NAV2: variants seen among roughly 807,000 people sequenced by gnomAD.
NAV2 encodes the protein neuron navigator 2, also known as helicase, APC down-regulated 1.
Under a neutral mutation model 223.2 loss-of-function variants are expected in NAV2, and 54 were observed. That is an observed-to-expected ratio of 0.24 (90% CI 0.19 to 0.30). The LOEUF (loss-of-function observed/expected upper bound fraction) is 0.30. NAV2 is among the 10% of genes least tolerant of loss of function. The probability of loss-of-function intolerance (pLI) is 1.00; values close to 1 mark genes in which losing one functional copy is unlikely to be tolerated. For missense variants in NAV2, 2,806 were observed against 3,147.5 expected, an observed-to-expected ratio of 0.89 and a Z score of 2.60; for synonymous variants, 1,279 against 1,239.3, an observed-to-expected ratio of 1.03 and a Z score of -0.67.
chr11:19,493,542 C>A (rs184248227), intron 1 of NAV2, among the ~76,000 whole-genome samples: 3 of 152,218 alleles, frequency 2.0e-5, no homozygotes, highest in Non-Finnish European at 4.4e-5. Context: ...TAAAAAAGCT[C>A]GGCATCCCTG....
At chr11:19,449,248 G>A (rs974680026) in intron 1 of NAV2, among the ~76,000 whole-genome samples, 4 of 152,204 alleles carry the variant, frequency 2.6e-5, no homozygotes, top group Non-Finnish European at 5.9e-5. Flanking sequence ...TGATGTAGAG[G>A]GCTCTTGAAA....
intron 1 of NAV2, among the ~76,000 whole-genome samples, chr11:19,813,743 C>T (rs564109758): frequency 6.6e-6 from 1 of 152,182 alleles, no homozygotes; most frequent in Non-Finnish European, 1.5e-5. Flanking sequence ...GGGCATGGGA[C>T]GTTGACTGCT....
At chr11:19,442,712 T>A (rs1851448788) in intron 1 of NAV2, among the ~76,000 whole-genome samples, 1 of 152,186 alleles carries the variant, frequency 6.6e-6, no homozygotes, top group African/African-American at 2.4e-5. Flanking sequence ...ACCAACTGGC[T>A]GTGTAAACTT....
At position 20,103,324 on chromosome 11, in the gene NAV2, C is replaced by T; in HGVS notation, c.6487C>T (p.Leu2163Phe). Residue 2163 changes from leucine to phenylalanine, a missense_variant, in exon 33 of 38, where the codon CTC becomes TTC. Transcript: ENST00000349880. ...NSENNAVDMP[L>F]VIILDNLHHV... ...TGAGAACAATGCTGTGGACATGCCC[C>T]TCGTCATCATCCTGGACAACCTACA... 17 of 1,614,194 alleles carry T rather than the reference C, an allele frequency of 1.1e-5. No individual in the cohort carries two copies. Among genetic ancestry groups the T allele is most frequent in the Non-Finnish European group, 1.4e-5 (17 of 1,180,006 alleles).
In NAV2 at chr11:20,119,341, G is replaced by C. The variant is rs771225719; in HGVS notation, c.*1083G>C. The C allele has an allele frequency of 6.6e-6, 1 of 152,198 alleles. No homozygotes were observed. The highest frequency in any genetic ancestry group is 1.5e-5 in the Non-Finnish European group (1 of 68,108). 9.4% of individuals were successfully genotyped at this position (152,198 alleles called of 1,614,324 possible). A position where few individuals can be genotyped will look rare whatever the true frequency, so the allele number is the denominator to read the frequency against. On this transcript the variant is annotated 3_prime_UTR_variant, in exon 38 of 38. Transcript: ENST00000349880. The stretch of plus-strand genomic sequence containing the variant: ...TCGCCTCCTCCTGCTAGGGCTGGGG[G>C]TATCTGTGTCCTTTAAAATGGATGA...
At chr11:19,599,379 C>T (rs919406822) in intron 1 of NAV2, among the ~76,000 whole-genome samples, 15 of 152,238 alleles carry the variant, frequency 9.9e-5, no homozygotes, top group African/African-American at 3.4e-4. Context: ...GGCCAACCTG[C>T]GAGGTTGTCT....
intron 1 of NAV2, among the ~76,000 whole-genome samples, chr11:19,812,138 G>A (rs1012315264): frequency 3.7e-4 from 55 of 150,340 alleles, no homozygotes; most frequent in African/African-American, 1.3e-3. Flanking sequence ...AAATTGCACG[G>A]CTAAGCTGCC....
Position 19,666,341 on chromosome 11 carries a change from G to A in NAV2, c.76-166143G>A, listed in dbSNP as rs1306472484. 2.6e-5 allele frequency among the ~76,000 whole-genome samples: 4 copies of A among 152,216 alleles called. 1 individual carries two copies. The highest frequency in any genetic ancestry group is 6.5e-5 in the Admixed American group (1 of 15,282). Reference sequence around the variant, plus strand: ...AGCAATATTTGGGATGGCATAGAAAGGTCACATTATGCCTTTGCAGAAACC... The same window carrying A: ...AGCAATATTTGGGATGGCATAGAAAAGTCACATTATGCCTTTGCAGAAACC... On this transcript the variant is annotated intron_variant, in intron 1 of 37. Coordinates refer to the NAV2 transcript ENST00000360655.
chr11:19,945,830 G>C (rs1348358032), intron 8 of NAV2, among the ~76,000 whole-genome samples: 1 of 152,200 alleles, frequency 6.6e-6, no homozygotes, highest in African/African-American at 2.4e-5. Flanking sequence ...GAGAGGACCA[G>C]CACCTTCCCC....
intron 4 of NAV2, among the ~76,000 whole-genome samples, chr11:19,877,470 C>CTTTTTTTTTTTTTCTTTTTTCTTTTCTT (rs1555114910): frequency 3.6e-5 from 3 of 82,622 alleles, no homozygotes; most frequent in African/African-American, 1.4e-4. Flanking sequence ...TATCTTCATT[C>CTTTTTTTTTTTTTCTTTTTTCTTTTCTT]TTTTTTTTTT....
intron 6 of NAV2, among the ~76,000 whole-genome samples, chr11:19,927,011 C>G (rs2044817747): frequency 1.3e-5 from 2 of 152,190 alleles, no homozygotes; most frequent in Non-Finnish European, 2.9e-5. Context: ...ACAGTATTTT[C>G]ATTTAGAAAG....
At chr11:19,759,090 C>CTTT (rs55675583) in intron 1 of NAV2, among the ~76,000 whole-genome samples, 1 of 63,846 alleles carries the variant, frequency 1.6e-5, no homozygotes, top group African/African-American at 6.1e-5. Flanking sequence ...CTGAAAGACA[C>CTTT]TTTTTTTTTT....
intron 1 of NAV2, among the ~76,000 whole-genome samples, chr11:19,416,117 ATAAAGGG>A (rs989674146): frequency 1.2e-4 from 18 of 152,350 alleles, no homozygotes; most frequent in Middle Eastern, 3.4e-3. Flanking sequence ...AGAGAAAGAA[ATAAAGGG>A]TATTCAAATA....
intron 10 of NAV2, among the ~76,000 whole-genome samples, chr11:19,972,590 G>A (rs548473784): frequency 1.3e-5 from 2 of 152,274 alleles, no homozygotes; most frequent in East Asian, 3.9e-4. Flanking sequence ...TGGGTCCTTT[G>A]TGTTTGTACA....
intron 11 of NAV2, among the ~76,000 whole-genome samples, chr11:20,017,254 C>T (rs1236470535): frequency 6.6e-6 from 1 of 152,122 alleles, no homozygotes; most frequent in East Asian, 1.9e-4. Context: ...GTCCCCACAC[C>T]CGCTTACTAA....
intron 1 of NAV2, among the ~76,000 whole-genome samples, chr11:19,779,536 T>C (rs181704833): frequency 3.3e-5 from 5 of 152,366 alleles, no homozygotes; most frequent in Non-Finnish European, 7.3e-5. Flanking sequence ...CTGTGTTCGT[T>C]GTGAAAGATT....
intron 6 of NAV2, among the ~76,000 whole-genome samples, chr11:19,927,087 T>A (rs1293481344): frequency 6.6e-6 from 1 of 152,194 alleles, no homozygotes; most frequent in Non-Finnish European, 1.5e-5. Context: ...ACTTTTTCCC[T>A]CCCAACCGGA....
chr11:20,071,521 C>G (rs1202911058), intron 22 of NAV2, among the ~76,000 whole-genome samples: 1 of 152,134 alleles, frequency 6.6e-6, no homozygotes, highest in African/African-American at 2.4e-5. Context: ...AGTTCTAGAT[C>G]CTTGAGGAAT....
chr11:20,097,510 A>G, intron 30 of NAV2, 67 bp from the exon 31 acceptor site: 1 of 1,266,760 alleles, frequency 7.9e-7, no homozygotes, highest in Non-Finnish European at 1.1e-6. Flanking sequence ...TCACCCAGGG[A>G]AAACATGAGT....
Sources: allele counts gnomAD v4.1 joint callset (sites outside exome capture counted in the v4.1 genomes callset), GRCh38; gene constraint gnomAD v4.1.1; transcripts MANE v1.5; gene names NCBI Gene and HGNC (gene_info 2026-07-23, HGNC 2026-07-21).